The following CNIH3 variants were observed in gnomAD, a reference collection of about 807,000 sequenced individuals.
CNIH3 encodes protein cornichon homolog 3.
Under a neutral mutation model 24.1 loss-of-function variants are expected in CNIH3, and 14 were observed. The ratio of observed to expected loss-of-function variants is 0.58; its 90% CI spans 0.38 to 0.91. The LOEUF is 0.91. CNIH3 is among the 40% of genes least tolerant of loss of function. CNIH3 has a pLI of 0.00. For missense variants in CNIH3, 178 were observed against 196.8 expected, an observed-to-expected ratio of 0.90 and a Z score of 0.57; for synonymous variants, 68 against 73.8, an observed-to-expected ratio of 0.92 and a Z score of 0.40.
At chr1:224,699,733 G>A (rs990149831) in intron 3 of CNIH3, among the ~76,000 whole-genome samples, 1 of 152,166 alleles carries the variant, frequency 6.6e-6, no homozygotes, top group Non-Finnish European at 1.5e-5. Context: ...GGGAACCTGT[G>A]TGTGGCCAAC....
intron 1 of CNIH3, among the ~76,000 whole-genome samples, chr1:224,476,438 G>A (rs370073489): frequency 2.8e-4 from 42 of 152,242 alleles, no homozygotes; most frequent in African/African-American, 9.6e-4. Flanking sequence ...TGCCAACAGT[G>A]AACAATCTGA....
intron 3 of CNIH3, among the ~76,000 whole-genome samples, chr1:224,563,524 G>T (rs894948299): frequency 6.6e-6 from 1 of 151,310 alleles, no homozygotes; most frequent in Admixed American, 6.6e-5. Context: ...AGAGTGAGAA[G>T]AGGGGATTTG....
At chr1:224,592,861 T>A (rs1189103250), downstream of CNIH3, among the ~76,000 whole-genome samples, 15 of 152,104 alleles carry the variant, frequency 9.9e-5, no homozygotes, top group Non-Finnish European at 2.2e-4. Flanking sequence ...AGATGATACA[T>A]CTCCAGGTGT....
At chr1:224,518,160 C>G (rs754434963) in intron 1 of CNIH3, among the ~76,000 whole-genome samples, 57 of 152,224 alleles carry the variant, frequency 3.7e-4, no homozygotes, top group Non-Finnish European at 4.3e-4. Flanking sequence ...GGCCCTCACC[C>G]GAGGTGGCCA....
chr1:224,439,152 A>G (rs939249432), intron 1 of CNIH3, among the ~76,000 whole-genome samples: 2 of 152,134 alleles, frequency 1.3e-5, no homozygotes, highest in Non-Finnish European at 2.9e-5. Flanking sequence ...CTGCTGTTCT[A>G]TGCATGTCTC....
At chr1:224,543,636 T>C (rs1270888944) in intron 2 of CNIH3, among the ~76,000 whole-genome samples, 1 of 152,172 alleles carries the variant, frequency 6.6e-6, no homozygotes, top group Non-Finnish European at 1.5e-5. Context: ...TCCAAATGGT[T>C]TTTATTAGAC....
chr1:224,592,856 A>C (rs1195364248), downstream of CNIH3, among the ~76,000 whole-genome samples: 1 of 152,192 alleles, frequency 6.6e-6, no homozygotes, highest in African/African-American at 2.4e-5. Flanking sequence ...AAAATAGATG[A>C]TACATCTCCA....
chr1:224,717,764 C>T (rs1172107465), intron 3 of CNIH3: 1 of 152,188 alleles, frequency 6.6e-6, no homozygotes, highest in Non-Finnish European at 1.5e-5. Flanking sequence ...CCCTTTGTGA[C>T]CAACTGTACT....
intron 1 of CNIH3, among the ~76,000 whole-genome samples, chr1:224,474,880 TAAAAATAAA>T (rs1382391378): frequency 7.1e-5 from 3 of 42,398 alleles, no homozygotes; most frequent in African/African-American, 1.7e-4. Flanking sequence ...TACAAAAAAA[TAAAAATAAA>T]AAAAAGCCGG....
chr1:224,554,463 T>A (rs926963114), intron 3 of CNIH3, among the ~76,000 whole-genome samples: 3 of 152,148 alleles, frequency 2.0e-5, no homozygotes, highest in Non-Finnish European at 2.9e-5. Flanking sequence ...TTGAAAAGAT[T>A]TTTTAAAAAA....
chr1:224,584,784 G>T (rs1372867946), intron 5 of CNIH3, among the ~76,000 whole-genome samples: 1 of 152,142 alleles, frequency 6.6e-6, no homozygotes, highest in Admixed American at 6.5e-5. Context: ...AGTTGACTAT[G>T]TAGTGTTTTC....
At chr1:224,467,356 G>A (rs1224364779) in intron 1 of CNIH3, among the ~76,000 whole-genome samples, 1 of 151,938 alleles carries the variant, frequency 6.6e-6, no homozygotes, top group Admixed American at 6.6e-5. Context: ...CTTAACAGGA[G>A]CTTTCACAGA....
chr1:224,651,070 C>A (rs1684835886), intron 1 of CNIH3, among the ~76,000 whole-genome samples: 1 of 152,036 alleles, frequency 6.6e-6, no homozygotes. Context: ...CATGGACACA[C>A]ACACACACAC....
chr1:224,638,928 A>T (rs1306912391), intron 1 of CNIH3, among the ~76,000 whole-genome samples: 3 of 152,146 alleles, frequency 2.0e-5, no homozygotes, highest in Non-Finnish European at 4.4e-5. Context: ...TTCCTCCTCC[A>T]GGAAGTTTCT....
At chr1:224,696,558 G>A (rs75694044) in intron 3 of CNIH3, among the ~76,000 whole-genome samples, 2,239 of 152,322 alleles carry the variant, frequency 0.015, 43 homozygotes, top group African/African-American at 0.038. Context: ...GGTGGGAGAG[G>A]AGCAAGACGA....
At chr1:224,589,346 A>G (rs1681652528), downstream of CNIH3, among the ~76,000 whole-genome samples, 1 of 152,208 alleles carries the variant, frequency 6.6e-6, no homozygotes, top group Non-Finnish European at 1.5e-5. Flanking sequence ...CATCATGTTT[A>G]TAATAAGTCT....
In CNIH3 at chr1:224,560,877, G is replaced by A. The variant is rs530611000; in HGVS notation, n.451-5322G>A. ...TGGGAAAATTGTCTTCCATGAAACC[G>A]TCCCTGGTGCCAAAAAGTTTGGAGA... On this transcript the variant is annotated intron_variant and non_coding_transcript_variant, in intron 3 of 5. Coordinates refer to the CNIH3 transcript ENST00000471578. Among the ~76,000 whole-genome samples, 11 of 152,220 alleles carry A rather than the reference G, an allele frequency of 7.2e-5. No homozygotes were observed. In the East Asian group the frequency reaches 1.9e-3, roughly 27 times the overall value.
At chr1:224,455,475 G>A (rs1675609813) in intron 1 of CNIH3, among the ~76,000 whole-genome samples, 1 of 152,092 alleles carries the variant, frequency 6.6e-6, no homozygotes, top group Non-Finnish European at 1.5e-5. Flanking sequence ...ACTTTGGAGA[G>A]GTTTGGAATG....
At chr1:224,738,990 C>A (rs1357268857) in intron 5 of CNIH3, among the ~76,000 whole-genome samples, 1 of 152,114 alleles carries the variant, frequency 6.6e-6, no homozygotes, top group Non-Finnish European at 1.5e-5. Flanking sequence ...ATCCACTGCA[C>A]CCCCACCTCC....
Sources: allele counts gnomAD v4.1 joint callset (sites outside exome capture counted in the v4.1 genomes callset), GRCh38; gene constraint gnomAD v4.1.1; transcripts MANE v1.5; gene names NCBI Gene and HGNC (gene_info 2026-07-23, HGNC 2026-07-21).